The following TMEM132B variants were observed in gnomAD, a reference collection of about 807,000 sequenced individuals.
TMEM132B encodes the protein transmembrane protein 132B.
A neutral mutation model predicts 90.8 loss-of-function variants in TMEM132B; 18 were observed. That is an observed-to-expected ratio of 0.20 (90% CI 0.14 to 0.29). The LOEUF is 0.29. TMEM132B is among the 10% of genes least tolerant of loss of function. The pLI is 1.00. For synonymous variants in TMEM132B, 504 were observed against 523.3 expected (o/e 0.96, Z 0.50); for missense variants, 1,096 against 1,326.8 (o/e 0.83, Z 2.70).
chr12:125,311,074 T>C (rs1876111933), intron 1 of TMEM132B, among the ~76,000 whole-genome samples: 1 of 152,188 alleles, frequency 6.6e-6, no homozygotes, highest in African/African-American at 2.4e-5. Context: ...TGATACACTG[T>C]TCACATCTTC....
chr12:125,432,183 T>C (rs1471087513), intron 3 of TMEM132B, among the ~76,000 whole-genome samples: 1 of 151,426 alleles, frequency 6.6e-6, no homozygotes, highest in Non-Finnish European at 1.5e-5. Context: ...GCAGACGCCA[T>C]GGTCAGCCAG....
At chr12:125,361,361 G>A (rs767548113) in intron 2 of TMEM132B, among the ~76,000 whole-genome samples, 18 of 152,014 alleles carry the variant, frequency 1.2e-4, no homozygotes, top group Non-Finnish European at 2.4e-4. Context: ...AACCCAGATC[G>A]GCCCACTTCA....
Position 125,459,003 on chromosome 12 carries a change from C to A in TMEM132B, c.1106+43326C>A, listed in dbSNP as rs1881367968. 6.6e-6 allele frequency among the ~76,000 whole-genome samples: 1 copy of A among 152,098 alleles called. No homozygotes were observed. Among genetic ancestry groups the A allele is most frequent in the South Asian group, 2.1e-4 (1 of 4,828 alleles). On this transcript the variant is annotated intron_variant, in intron 3 of 8. Transcript: ENST00000682704. This position sits in a 1 kb window ranked among gnomAD's most constrained non-coding sequence, Gnocchi z 4.1. The stretch of plus-strand genomic sequence containing the variant: ...TCATGGAGCTCAGATTCCCTGTGGT[C>A]CCCCCATGTGCAATTAGCATCTTCG...
intron 1 of TMEM132B, among the ~76,000 whole-genome samples, chr12:125,218,574 G>A (rs187764902): frequency 5.6e-4 from 85 of 152,206 alleles, no homozygotes; most frequent in African/African-American, 9.6e-4. Context: ...CTGCATTGTC[G>A]GTTGTGACTC....
chr12:125,374,034 A>T (rs1321768251), intron 2 of TMEM132B, among the ~76,000 whole-genome samples: 1 of 152,186 alleles, frequency 6.6e-6, no homozygotes, highest in African/African-American at 2.4e-5. Flanking sequence ...GCCTCAAGTG[A>T]ACTGTCTGCC....
chr12:125,556,608 A>G (rs117985126), intron 4 of TMEM132B, among the ~76,000 whole-genome samples: 3,658 of 152,250 alleles, frequency 0.024, 56 homozygotes, highest in Non-Finnish European at 0.037. Context: ...AACTAATCGG[A>G]GTTTATATTC....
intron 1 of TMEM132B, among the ~76,000 whole-genome samples, chr12:125,273,645 A>ATACATGCTTAT (rs1257093284): frequency 1.3e-5 from 2 of 152,212 alleles, no homozygotes; most frequent in Non-Finnish European, 2.9e-5. Context: ...ATGTACATAC[A>ATACATGCTTAT]GTAACAGCAT....
chr12:125,633,887 C>T (rs80199400), intron 5 of TMEM132B, among the ~76,000 whole-genome samples: 2,581 of 152,280 alleles, frequency 0.017, 95 homozygotes, highest in African/African-American at 0.059. Context: ...GAAGCCAGCA[C>T]AGCACTGGGT....
At chr12:125,495,270 CGTCCCTCCTCCCCCTCCTCCCTGT>C (rs1882528588) in intron 3 of TMEM132B, among the ~76,000 whole-genome samples, 1 of 112,742 alleles carries the variant, frequency 8.9e-6, no homozygotes, top group Non-Finnish European at 1.8e-5. Flanking sequence ...TAAATGGCTG[CGTCCCTCCTCCCCCTCCTCCCTGT>C]AAATGGCTGC....
chr12:125,268,520 A>G (rs1874747891), intron 1 of TMEM132B, among the ~76,000 whole-genome samples: 1 of 152,248 alleles, frequency 6.6e-6, no homozygotes. Flanking sequence ...GGCTGTAACC[A>G]TCTCCATAAA....
intron 2 of TMEM132B, among the ~76,000 whole-genome samples, chr12:125,387,797 A>G (rs1453266951): frequency 6.7e-6 from 1 of 149,928 alleles, no homozygotes; most frequent in African/African-American, 2.5e-5. Flanking sequence ...TTTATCCGTT[A>G]TCCATCCATC....
intron 3 of TMEM132B, among the ~76,000 whole-genome samples, chr12:125,519,182 A>G (rs1312775033): frequency 6.6e-6 from 1 of 152,138 alleles, no homozygotes; most frequent in Admixed American, 6.5e-5. Flanking sequence ...TGAAATGCTG[A>G]CCGAGTTACT....
chr12:125,652,366 T>C lies in TMEM132B; in HGVS notation c.1915-75T>C, dbSNP rs147106643. On this transcript the variant is annotated intron_variant, in intron 7 of 8. Transcript: ENST00000682704. Reference sequence around the variant, plus strand: ...AGCCAAGGGCTGGGAGAGCACTTTGTTGGGAGCCCCAGTTAAGGGATTCAT... The same window carrying C: ...AGCCAAGGGCTGGGAGAGCACTTTGCTGGGAGCCCCAGTTAAGGGATTCAT... 139 of 1,416,632 alleles carry C rather than the reference T, an allele frequency of 9.8e-5. No homozygotes were observed. In the East Asian group the frequency reaches 2.7e-3, roughly 28 times the overall value. 87.8% of individuals were successfully genotyped at this position (1,416,632 alleles called of 1,614,324 possible). A position where few individuals can be genotyped will look rare whatever the true frequency, so the allele number is the denominator to read the frequency against.
intron 4 of TMEM132B, among the ~76,000 whole-genome samples, chr12:125,541,106 C>T (rs762358410): frequency 8.5e-5 from 13 of 152,226 alleles, no homozygotes; most frequent in Non-Finnish European, 1.3e-4. Flanking sequence ...CTGGTAAGAG[C>T]GGCCTTCCCT....
At chr12:125,258,033 T>C (rs1874480020) in intron 1 of TMEM132B, among the ~76,000 whole-genome samples, 1 of 152,262 alleles carries the variant, frequency 6.6e-6, no homozygotes, top group African/African-American at 2.4e-5. Context: ...ACACTGATGC[T>C]ATGGTTTTTA....
chr12:125,381,966 T>C (rs764999320), intron 2 of TMEM132B, among the ~76,000 whole-genome samples: 1 of 152,184 alleles, frequency 6.6e-6, no homozygotes, highest in Non-Finnish European at 1.5e-5. Context: ...ATGTTCTCTG[T>C]GGAGGTCTTG....
intron 3 of TMEM132B, among the ~76,000 whole-genome samples, chr12:125,417,734 A>G (rs1455271380): frequency 6.6e-6 from 1 of 152,126 alleles, no homozygotes; most frequent in African/African-American, 2.4e-5. Flanking sequence ...TGGAGGCAAG[A>G]TGACTGCTAG....
intron 2 of TMEM132B, among the ~76,000 whole-genome samples, chr12:125,362,606 A>G (rs1469400551): frequency 6.6e-6 from 1 of 152,106 alleles, no homozygotes; most frequent in Non-Finnish European, 1.5e-5. Context: ...CCACATAGCA[A>G]TGTCCCATTT....
At chr12:125,578,316 T>A (rs1884980401) in intron 4 of TMEM132B, among the ~76,000 whole-genome samples, 2 of 152,178 alleles carry the variant, frequency 1.3e-5, no homozygotes, top group Non-Finnish European at 2.9e-5. Flanking sequence ...AATTGTTATA[T>A]TTTCTTGTTG....
Sources: gnomAD v4.1 joint callset for allele counts (sites outside exome capture counted in the v4.1 genomes callset) on GRCh38, gnomAD v4.1.1 for gene constraint, Gnocchi (gnomAD v3.1) non-coding constraint, MANE v1.5 for transcripts, NCBI Gene and HGNC (gene_info 2026-07-23, HGNC 2026-07-21) for gene names.